GPC5: variants seen among roughly 807,000 people sequenced by gnomAD.
GPC5 encodes glypican 5.
Under a neutral mutation model 53.9 loss-of-function variants are expected in GPC5, and 47 were observed. The ratio of observed to expected loss-of-function variants is 0.87; its 90% CI spans 0.69 to 1.11. The LOEUF is 1.11. Ranked by LOEUF, GPC5 falls within the 50% of genes most tolerant of loss-of-function variation. GPC5 has a pLI of 0.00. For missense variants in GPC5, 748 were observed against 713.1 expected (o/e 1.05, Z -0.56); for synonymous variants, 286 against 263.3 (o/e 1.09, Z -0.84).
intron 7 of GPC5, among the ~76,000 whole-genome samples, chr13:92,208,613 TTAAC>T (rs2042353761): frequency 6.6e-6 from 1 of 152,186 alleles, no homozygotes; most frequent in Admixed American, 6.5e-5. Flanking sequence ...GAAAATTGCT[TTAAC>T]TACTGCTTTC....
intron 7 of GPC5, among the ~76,000 whole-genome samples, chr13:92,488,018 A>T (rs1267831497): frequency 3.9e-5 from 6 of 152,030 alleles, no homozygotes; most frequent in Non-Finnish European, 8.8e-5. Context: ...TGAAGTCATC[A>T]AACTGTATAC....
chr13:92,431,801 A>C (rs1313859710), intron 7 of GPC5, among the ~76,000 whole-genome samples: 1 of 152,156 alleles, frequency 6.6e-6, no homozygotes, highest in Admixed American at 6.6e-5. Context: ...ACTGTTTAAA[A>C]GGCTGTTTAT....
At chr13:91,906,540 T>G (rs1277612557) in intron 5 of GPC5, among the ~76,000 whole-genome samples, 1 of 152,090 alleles carries the variant, frequency 6.6e-6, no homozygotes, top group Non-Finnish European at 1.5e-5. Context: ...TTTTTAAAAA[T>G]GTAATAAAAT....
At chr13:91,858,438 C>T (rs1435875555) in intron 5 of GPC5, among the ~76,000 whole-genome samples, 1 of 151,710 alleles carries the variant, frequency 6.6e-6, no homozygotes, top group African/African-American at 2.4e-5. Context: ...GGTTTTTGTC[C>T]TTCATTCTAT....
intron 2 of GPC5, among the ~76,000 whole-genome samples, chr13:91,475,554 G>A (rs989847515): frequency 6.6e-5 from 10 of 152,164 alleles, no homozygotes; most frequent in African/African-American, 2.4e-4. Context: ...CATCCATTAA[G>A]GTTTGGCTGA....
rs71123427 is a variant in GPC5 at position 92,659,399 on chromosome 13, C to CT, written c.1562-206865dup. Among the ~76,000 whole-genome samples the CT allele has an allele frequency of 6.1e-3, 771 of 127,356 alleles. 13 individuals carry two copies. Among genetic ancestry groups the CT allele is most frequent in the African/African-American group, 0.021 (735 of 35,098 alleles). The allele number at this position is 127,356 out of a possible 152,430, so 83.6% of individuals were successfully genotyped here. Reference sequence around the variant, plus strand: ...CTGGGTTGCCTTTTCATTTGGTTGACTTTTTTTTTTTTTTTTTTGCCTCTT... The same window carrying CT: ...CTGGGTTGCCTTTTCATTTGGTTGACTTTTTTTTTTTTTTTTTTTGCCTCTT... On this transcript the variant is annotated intron_variant, in intron 7 of 7. Transcript: ENST00000377067.
intron 2 of GPC5, among the ~76,000 whole-genome samples, chr13:91,650,919 C>T (rs1044516012): frequency 6.6e-6 from 1 of 151,902 alleles, no homozygotes; most frequent in African/African-American, 2.4e-5. Flanking sequence ...GCAAGACTTT[C>T]TCTTCAAAGT....
intron 2 of GPC5, among the ~76,000 whole-genome samples, chr13:91,472,228 G>A (rs1186241822): frequency 6.6e-6 from 1 of 152,106 alleles, no homozygotes; most frequent in Non-Finnish European, 1.5e-5. Context: ...CAGTTAATGT[G>A]ATTTTTGTTT....
chr13:91,821,797 A>T (rs1474903257), intron 5 of GPC5, among the ~76,000 whole-genome samples: 1 of 152,148 alleles, frequency 6.6e-6, no homozygotes, highest in African/African-American at 2.4e-5. Context: ...GATCCTTTTT[A>T]TATATTGATA....
chr13:91,539,300 G>A (rs1167470053), intron 2 of GPC5, among the ~76,000 whole-genome samples: 1 of 149,666 alleles, frequency 6.7e-6, no homozygotes, highest in Non-Finnish European at 1.5e-5. Flanking sequence ...CCTTTAAAAA[G>A]TGAGTGGGGA....
chr13:92,614,987 T>C (rs1594350032), intron 7 of GPC5, among the ~76,000 whole-genome samples: 1 of 152,226 alleles, frequency 6.6e-6, no homozygotes, highest in Non-Finnish European at 1.5e-5. Flanking sequence ...ACAGGAGATA[T>C]TTTGTTAAAT....
At chr13:92,783,737 A>G (rs984996632) in intron 7 of GPC5, among the ~76,000 whole-genome samples, 15 of 152,082 alleles carry the variant, frequency 9.9e-5, no homozygotes, top group African/African-American at 3.4e-4. Flanking sequence ...GCCCTTGTCT[A>G]TTTTCCTACT....
chr13:91,683,073 G>A (rs2035544340), intron 2 of GPC5, among the ~76,000 whole-genome samples: 1 of 151,992 alleles, frequency 6.6e-6, no homozygotes, highest in South Asian at 2.1e-4. Flanking sequence ...GTGCTTGAAT[G>A]GAGGATCGCG....
intron 2 of GPC5, among the ~76,000 whole-genome samples, chr13:91,582,986 G>A (rs1288125372): frequency 6.6e-6 from 1 of 152,072 alleles, no homozygotes; most frequent in Non-Finnish European, 1.5e-5. Context: ...GTTTAACAGA[G>A]TGCAACTCCA....
chr13:92,800,855 C>T (rs1410391382), intron 7 of GPC5, among the ~76,000 whole-genome samples: 2 of 151,482 alleles, frequency 1.3e-5, no homozygotes, highest in East Asian at 3.9e-4. Flanking sequence ...ATTCTGCAAC[C>T]CTAAAATAAT....
At chr13:92,108,550 G>T (rs2041527942) in intron 6 of GPC5, among the ~76,000 whole-genome samples, 1 of 152,082 alleles carries the variant, frequency 6.6e-6, no homozygotes, top group Non-Finnish European at 1.5e-5. Flanking sequence ...TACAATCACT[G>T]TCTTTGCTTT....
intron 5 of GPC5, among the ~76,000 whole-genome samples, chr13:91,898,910 A>T (rs2039470145): frequency 6.6e-6 from 1 of 152,218 alleles, no homozygotes; most frequent in South Asian, 2.1e-4. Flanking sequence ...AAAACAGAAG[A>T]GCTGAATTAT....
At chr13:92,390,343 G>A (rs891903697) in intron 7 of GPC5, among the ~76,000 whole-genome samples, 14 of 151,992 alleles carry the variant, frequency 9.2e-5, no homozygotes, top group East Asian at 7.7e-4. Flanking sequence ...AAGAAAATAC[G>A]GTTTGTGGGC....
At chr13:92,597,290 G>C (rs902349597) in intron 7 of GPC5, among the ~76,000 whole-genome samples, 1 of 150,914 alleles carries the variant, frequency 6.6e-6, no homozygotes, top group African/African-American at 2.4e-5. Flanking sequence ...AAAGGATGTA[G>C]AGAAAAGGAA....
Sources: allele counts gnomAD v4.1 joint callset (sites outside exome capture counted in the v4.1 genomes callset), GRCh38; gene constraint gnomAD v4.1.1; transcripts MANE v1.5; gene names NCBI Gene and HGNC (gene_info 2026-07-23, HGNC 2026-07-21).